The following PTPRD variants were observed in gnomAD, a reference collection of about 807,000 sequenced individuals.
PTPRD encodes protein tyrosine phosphatase receptor type D.
Under a neutral mutation model 214.5 loss-of-function variants are expected in PTPRD, and 34 were observed. The observed-to-expected ratio is 0.16, with a 90% CI of 0.12 to 0.21. The LOEUF is 0.21. Among genes scored for constraint, PTPRD ranks in the 10% least tolerant of loss-of-function variants. The probability of loss-of-function intolerance (pLI) is 1.00; values close to 1 mark genes in which losing one functional copy is unlikely to be tolerated. For missense variants in PTPRD, 2,545 were observed against 2,398.7 expected, an observed-to-expected ratio of 1.06 and a Z score of -1.27; for synonymous variants, 1,128 against 845.7, an observed-to-expected ratio of 1.33 and a Z score of -5.79.
rs148456910 is a variant in PTPRD at position 9,270,918 on chromosome 9, C to T, written c.-202-87555G>A. 2.0e-3 allele frequency among the ~76,000 whole-genome samples: 305 copies of T among 151,160 alleles called. 2 individuals are homozygous for T. Among genetic ancestry groups the T allele is most frequent in the African/African-American group, 6.8e-3 (281 of 41,346 alleles). ...ATAGGAGGAATCAAAGAACACTCTT[C>T]GAATTATTGCCTGGAGTACTTGCAT... On this transcript the variant is annotated intron_variant, in intron 9 of 45. Coordinates refer to ENST00000381196, the MANE Select transcript of PTPRD (RefSeq NM_002839.4).
intron 3 of PTPRD, among the ~76,000 whole-genome samples, chr9:10,073,762 G>A (rs888274258): frequency 1.3e-5 from 2 of 151,990 alleles, no homozygotes; most frequent in African/African-American, 4.8e-5. Flanking sequence ...GCCTCTTATT[G>A]ACAAGGGCCA....
chr9:8,934,468 TA>T lies in PTPRD; in HGVS notation c.-104+84228del, dbSNP rs2098979177. ...ATATAAATTTATATATATATAAATATATATATATAAATATATATATATATAA... is the reference window on the plus strand; with the variant it reads ...ATATAAATTTATATATATATAAATATTATATATAAATATATATATATATAA... On this transcript the variant is annotated intron_variant, in intron 11 of 45. Transcript: ENST00000381196. 2.2e-4 allele frequency among the ~76,000 whole-genome samples: 4 copies of T among 18,490 alleles called. 1 individual carries two copies. Among genetic ancestry groups the T allele is most frequent in the African/African-American group, 9.0e-4 (4 of 4,422 alleles). The allele number at this position is 18,490 out of a possible 152,430, so 12.1% of individuals were successfully genotyped here. A position where few individuals can be genotyped will look rare whatever the true frequency, so the allele number is the denominator to read the frequency against.
At chr9:10,047,760 G>A (rs1381574328) in intron 3 of PTPRD, among the ~76,000 whole-genome samples, 3 of 152,124 alleles carry the variant, frequency 2.0e-5, no homozygotes, top group Non-Finnish European at 4.4e-5. Flanking sequence ...AATCAGGTGG[G>A]TGACCATAGG....
chr9:8,563,536 A>C (rs965757790), intron 14 of PTPRD, among the ~76,000 whole-genome samples: 2 of 149,898 alleles, frequency 1.3e-5, no homozygotes, highest in Non-Finnish European at 3.0e-5. Flanking sequence ...TCATGGGTTC[A>C]AGCAATTCTC....
intron 3 of PTPRD, among the ~76,000 whole-genome samples, chr9:10,089,988 G>C (rs1310992952): frequency 6.6e-6 from 1 of 151,512 alleles, no homozygotes; most frequent in African/African-American, 2.4e-5. Flanking sequence ...TTTTCATAAG[G>C]CAAGATATTC....
intron 8 of PTPRD, among the ~76,000 whole-genome samples, chr9:9,551,497 T>C (rs578006218): frequency 6.6e-6 from 1 of 152,020 alleles, no homozygotes; most frequent in East Asian, 1.9e-4. Flanking sequence ...AGAATATATA[T>C]ATATGAAAAT....
intron 43 of PTPRD, among the ~76,000 whole-genome samples, chr9:8,333,636 G>C (rs1240337711): frequency 6.6e-6 from 1 of 150,788 alleles, no homozygotes; most frequent in Non-Finnish European, 1.5e-5. Flanking sequence ...CTATGAAGAA[G>C]CTGCATAATT....
At chr9:9,398,374 C>A (rs1283496366) in intron 8 of PTPRD, among the ~76,000 whole-genome samples, 2 of 152,000 alleles carry the variant, frequency 1.3e-5, no homozygotes, top group Admixed American at 1.3e-4. Context: ...TTGTTCCCTA[C>A]CCAGAAGACT....
chr9:9,931,600 C>T (rs1366538919), intron 5 of PTPRD, among the ~76,000 whole-genome samples: 1 of 151,964 alleles, frequency 6.6e-6, no homozygotes, highest in African/African-American at 2.4e-5. Flanking sequence ...TCGCTGATTG[C>T]TAGCACAGCA....
At chr9:10,394,382 A>G (rs1457635936) in intron 2 of PTPRD, among the ~76,000 whole-genome samples, 1 of 151,614 alleles carries the variant, frequency 6.6e-6, no homozygotes, top group East Asian at 1.9e-4. Context: ...CTTATCTTGA[A>G]TAATTTGGCA....
chr9:9,737,471 A>C (rs1596363931), intron 6 of PTPRD, among the ~76,000 whole-genome samples: 1 of 152,154 alleles, frequency 6.6e-6, no homozygotes, highest in Non-Finnish European at 1.5e-5. Flanking sequence ...TTAAAAGAAA[A>C]CCCTATATAG....
At chr9:8,794,871 C>A (rs530493090) in intron 11 of PTPRD, among the ~76,000 whole-genome samples, 31 of 150,236 alleles carry the variant, frequency 2.1e-4, no homozygotes, top group African/African-American at 7.3e-4. Flanking sequence ...AAAAAAAAAA[C>A]ATCAAACTGT....
chr9:10,542,620 G>A (rs948937224), intron 2 of PTPRD, among the ~76,000 whole-genome samples: 3 of 151,918 alleles, frequency 2.0e-5, no homozygotes, highest in African/African-American at 7.3e-5. Context: ...TATAATAGTT[G>A]TTGATCACTT....
chr9:9,978,266 A>G (rs892108886), intron 4 of PTPRD, among the ~76,000 whole-genome samples: 4 of 152,180 alleles, frequency 2.6e-5, no homozygotes, highest in African/African-American at 9.7e-5. Context: ...TAACTGCTTT[A>G]AAATAACTAT....
At chr9:9,074,806 T>C (rs999394207) in intron 10 of PTPRD, among the ~76,000 whole-genome samples, 2 of 151,832 alleles carry the variant, frequency 1.3e-5, no homozygotes, top group Admixed American at 1.3e-4. Context: ...TTCTACCATA[T>C]ATATGTAAAA....
chr9:10,207,201 C>A (rs1019868442), intron 3 of PTPRD, among the ~76,000 whole-genome samples: 1 of 152,098 alleles, frequency 6.6e-6, no homozygotes, highest in Non-Finnish European at 1.5e-5. Context: ...AATTACACAT[C>A]TAATTTTTCC....
chr9:8,624,706 G>T (rs1564797877), intron 14 of PTPRD, among the ~76,000 whole-genome samples: 1 of 151,784 alleles, frequency 6.6e-6, no homozygotes, highest in Non-Finnish European at 1.5e-5. Flanking sequence ...TTAACATTCA[G>T]ACTTGAGTAA....
At chr9:10,459,708 G>C (rs2098944535) in intron 2 of PTPRD, among the ~76,000 whole-genome samples, 1 of 150,660 alleles carries the variant, frequency 6.6e-6, no homozygotes, top group South Asian at 2.1e-4. Flanking sequence ...GTCTTCTTTT[G>C]AGAAGTGTCT....
At chr9:9,374,339 A>C (rs2060251502) in intron 9 of PTPRD, among the ~76,000 whole-genome samples, 1 of 152,120 alleles carries the variant, frequency 6.6e-6, no homozygotes, top group African/African-American at 2.4e-5. Context: ...TCTATAATTA[A>C]ATTTTTAAAA....
Sources: gnomAD v4.1 joint callset for allele counts (sites outside exome capture counted in the v4.1 genomes callset) on GRCh38, gnomAD v4.1.1 for gene constraint, MANE v1.5 for transcripts, NCBI Gene and HGNC (gene_info 2026-07-23, HGNC 2026-07-21) for gene names.